IL1RAPL2: variants seen among roughly 807,000 people sequenced by gnomAD.
The protein encoded by IL1RAPL2 is interleukin 1 receptor accessory protein like 2.
A neutral mutation model predicts 44.1 loss-of-function variants in IL1RAPL2; 3 were observed. That is an observed-to-expected ratio of 0.07 (90% CI 0.03 to 0.18). IL1RAPL2 has a LOEUF of 0.18. Among genes scored for constraint, IL1RAPL2 ranks in the 10% least tolerant of loss-of-function variants. IL1RAPL2 has a pLI of 1.00. For missense variants in IL1RAPL2, 391 were observed against 496.4 expected (o/e 0.79, Z 2.02); for synonymous variants, 181 against 178.8 (o/e 1.01, Z -0.10).
In IL1RAPL2 at chrX:105,562,021, TG is replaced by T. The variant is rs1220634186; in HGVS notation, c.772+77636del. The stretch of plus-strand genomic sequence containing the variant: ...AGTAGATATGGGCAATGAAGATACC[TG>T]GAGGCACTTGGCTTGAACCCTTCTT... On this transcript the variant is annotated intron_variant, in intron 6 of 10. Transcript: ENST00000372582. 1.3e-4 allele frequency among the ~76,000 whole-genome samples: 15 copies of T among 111,234 alleles called. No homozygotes were observed. The East Asian group carries it at 4.3e-3, about 32-fold the overall frequency.
At chrX:105,149,704 G>C (rs763713258) in intron 2 of IL1RAPL2, among the ~76,000 whole-genome samples, 2 of 110,226 alleles carry the variant, frequency 1.8e-5, no homozygotes, top group South Asian at 7.9e-4. Flanking sequence ...GTGTTAACAG[G>C]CATCTGTAAT....
rs1356409652 is a variant in IL1RAPL2, at chrX:105,670,117, ATATATATATATATATATATATATATATAT to A, written c.773-47249_773-47221del. ...TTCTGGGTTTCCTGTATATATATAT[ATATATATATATATATATATATATATATAT>A]ATCTCCACCAGACCACACAGTCTTG... On this transcript the variant is annotated intron_variant, in intron 6 of 10. Transcript: ENST00000372582. Among the ~76,000 whole-genome samples the A allele has an allele frequency of 6.1e-4, 23 of 37,413 alleles. No individual in the cohort carries two copies. The South Asian group carries it at 0.022, about 36-fold the overall frequency. 32.5% of individuals were successfully genotyped at this position (37,413 alleles called of 115,157 possible).
intron 2 of IL1RAPL2, among the ~76,000 whole-genome samples, chrX:104,950,721 T>TA (rs1925554068): frequency 9.2e-6 from 1 of 109,278 alleles, no homozygotes; most frequent in African/African-American, 3.4e-5. Flanking sequence ...TTTTGTTTTT[T>TA]TTTTTGAGAC....
intron 6 of IL1RAPL2, among the ~76,000 whole-genome samples, chrX:105,634,695 G>A (rs2037512207): frequency 9.0e-6 from 1 of 111,604 alleles, no homozygotes; most frequent in East Asian, 2.8e-4. Context: ...TGCAATAAAA[G>A]AGGCAGAACT....
At chrX:104,922,668 C>T (rs6621880) in intron 2 of IL1RAPL2, among the ~76,000 whole-genome samples, 24 of 111,678 alleles carry the variant, frequency 2.1e-4, no homozygotes, top group East Asian at 1.1e-3. Flanking sequence ...AAAATCCCAC[C>T]GAAATGAAAG....
At chrX:104,939,955 C>T (rs1340415988) in intron 2 of IL1RAPL2, among the ~76,000 whole-genome samples, 1 of 111,176 alleles carries the variant, frequency 9.0e-6, no homozygotes, top group Admixed American at 9.6e-5. Flanking sequence ...GAGGGTAGGG[C>T]TATGACAGCT....
At chrX:105,674,343 T>A (rs1287732455) in intron 6 of IL1RAPL2, among the ~76,000 whole-genome samples, 2 of 112,144 alleles carry the variant, frequency 1.8e-5, no homozygotes, top group African/African-American at 6.5e-5. Flanking sequence ...GTTAATTTTT[T>A]AATAAGGTAT....
At chrX:105,331,198 G>A (rs914237895) in intron 5 of IL1RAPL2, among the ~76,000 whole-genome samples, 6 of 110,760 alleles carry the variant, frequency 5.4e-5, no homozygotes, top group Non-Finnish European at 9.5e-5. Flanking sequence ...ACATTTTATG[G>A]CTTATGCATG....
At chrX:105,397,357 TA>T (rs2035571701) in intron 5 of IL1RAPL2, among the ~76,000 whole-genome samples, 1 of 110,875 alleles carries the variant, frequency 9.0e-6, no homozygotes, top group African/African-American at 3.3e-5. Flanking sequence ...GTCATTGAGT[TA>T]GGGGATCACT....
intron 2 of IL1RAPL2, chrX:104,804,399 A>C (rs1326717607): frequency 2.7e-5 from 3 of 112,440 alleles, no homozygotes; most frequent in African/African-American, 9.8e-5. Flanking sequence ...AACACAAGCC[A>C]CACTTCACCA....
intron 2 of IL1RAPL2, among the ~76,000 whole-genome samples, chrX:104,991,585 G>A (rs909178053): frequency 1.8e-5 from 2 of 111,694 alleles, no homozygotes; most frequent in Admixed American, 1.9e-4. Flanking sequence ...AATGGCCAAG[G>A]CTGTATCTAT....
chrX:105,201,306 C>G (rs1422242699), intron 3 of IL1RAPL2, among the ~76,000 whole-genome samples: 1 of 111,961 alleles, frequency 8.9e-6, no homozygotes, highest in Non-Finnish European at 1.9e-5. Context: ...AGTGGATACA[C>G]TTGAAACGAA....
intron 5 of IL1RAPL2, among the ~76,000 whole-genome samples, chrX:105,403,597 A>G (rs775468403): frequency 4.5e-5 from 5 of 111,768 alleles, no homozygotes; most frequent in Admixed American, 2.8e-4. Flanking sequence ...AACATTAGGT[A>G]ACTCACATGA....
intron 5 of IL1RAPL2, among the ~76,000 whole-genome samples, chrX:105,436,846 A>T (rs2035885166): frequency 9.1e-6 from 1 of 109,873 alleles, no homozygotes; most frequent in African/African-American, 3.3e-5. Flanking sequence ...CTATAGACAA[A>T]TATATAGAAA....
intron 2 of IL1RAPL2, among the ~76,000 whole-genome samples, chrX:104,738,495 A>C (rs1207064237): frequency 8.9e-6 from 1 of 112,591 alleles, no homozygotes; most frequent in Non-Finnish European, 1.9e-5. Flanking sequence ...ACCCTTGCTC[A>C]GAGCTGCTGT....
chrX:104,673,578 T>C (rs1264746594), intron 2 of IL1RAPL2, among the ~76,000 whole-genome samples: 8 of 111,146 alleles, frequency 7.2e-5, no homozygotes, highest in South Asian at 3.8e-4. Context: ...TTTGGCGATG[T>C]GGGCTCTTTT....
intron 6 of IL1RAPL2, among the ~76,000 whole-genome samples, chrX:105,672,104 T>C (rs1293081148): frequency 8.9e-6 from 1 of 112,189 alleles, no homozygotes; most frequent in Non-Finnish European, 1.9e-5. Context: ...TTTTTTATTA[T>C]GACTGTTTAA....
chrX:104,908,503 T>A (rs1277022031), intron 2 of IL1RAPL2, among the ~76,000 whole-genome samples: 1 of 111,180 alleles, frequency 9.0e-6, no homozygotes, highest in African/African-American at 3.3e-5. Flanking sequence ...GGCCTGGTGG[T>A]GACAAAATCT....
At chrX:105,505,479 G>A (rs1248498837) in intron 6 of IL1RAPL2, among the ~76,000 whole-genome samples, 1 of 111,728 alleles carries the variant, frequency 9.0e-6, no homozygotes, top group African/African-American at 3.3e-5. Flanking sequence ...TAAGGTAAAA[G>A]TTAAAAGATG....
Sources: allele counts gnomAD v4.1 joint callset (sites outside exome capture counted in the v4.1 genomes callset), GRCh38; gene constraint gnomAD v4.1.1; transcripts MANE v1.5; gene names NCBI Gene and HGNC (gene_info 2026-07-23, HGNC 2026-07-21).